The following ATP9B variants were observed in gnomAD, a reference collection of about 807,000 sequenced individuals.
ATP9B encodes the protein probable phospholipid-transporting ATPase IIB.
ATP9B carries 110 observed loss-of-function variants against 146.1 expected under a neutral mutation model. The ratio of observed to expected loss-of-function variants is 0.75; its 90% CI spans 0.65 to 0.88. ATP9B has a LOEUF of 0.88. Ranked by LOEUF, ATP9B falls within the 40% of genes least tolerant of loss-of-function variation. The pLI is 0.00. For synonymous variants in ATP9B, 604 were observed against 569.7 expected (o/e 1.06, Z -0.86); for missense variants, 1,499 against 1,496.4 (o/e 1.00, Z -0.03).
chr18:79,149,337 T>C (rs947509216), intron 6 of ATP9B, among the ~76,000 whole-genome samples: 4 of 152,056 alleles, frequency 2.6e-5, no homozygotes, highest in Admixed American at 6.6e-5. Flanking sequence ...CAAAACATTA[T>C]AGAGAAACCA....
chr18:79,205,278 C>T (rs2095523131), intron 9 of ATP9B, among the ~76,000 whole-genome samples: 2 of 74,188 alleles, frequency 2.7e-5, no homozygotes, highest in Admixed American at 2.5e-4. Context: ...CTGTGCTTCA[C>T]AAATAAACAA....
chr18:79,143,823 C>T lies in ATP9B; in HGVS notation c.689C>T (p.Ser230Leu). The change falls in exon 6 of 30, where the codon TCA becomes TTA. Residue 230 changes from serine to leucine, a missense_variant. Ser to Leu is a moderately radical substitution (Grantham distance 145). Transcript: ENST00000426216. ...TAAGGTAAAGTGCAAGTTAAGAGTT[C>T]AGACATACAAGTTGGAGACCTCATC... ...TVRGKVQVKS[S>L]DIQVGDLIIV... 1 of 1,586,680 alleles carries T rather than the reference C, an allele frequency of 6.3e-7. No individual in the cohort carries two copies. Among genetic ancestry groups the T allele is most frequent in the Non-Finnish European group, 8.6e-7 (1 of 1,169,458 alleles).
At position 79,335,046 on chromosome 18, in the gene ATP9B, A is replaced by G. The variant is rs184563674; in HGVS notation, c.2029-1582A>G. ...TCTGGGTGTCCTTCACGTCACCACA[A>G]CCACGTGAGGGAGGAACTGTTTTCA... On this transcript the variant is annotated intron_variant, in intron 17 of 29. Coordinates refer to ENST00000426216, the MANE Select transcript of ATP9B (RefSeq NM_198531.5). Among the ~76,000 whole-genome samples the G allele has an allele frequency of 6.3e-3, 953 of 152,274 alleles. 11 individuals carry two copies. The highest frequency in any genetic ancestry group is 0.022 in the African/African-American group (916 of 41,538).
At chr18:79,351,279 G>A (rs2096920915) in intron 25 of ATP9B, among the ~76,000 whole-genome samples, 1 of 152,224 alleles carries the variant, frequency 6.6e-6, no homozygotes, top group South Asian at 2.1e-4. Flanking sequence ...GGGTTAGTGA[G>A]GCCTGTGCCT....
intron 12 of ATP9B, among the ~76,000 whole-genome samples, chr18:79,272,440 C>T (rs938365166): frequency 2.6e-5 from 4 of 151,718 alleles, no homozygotes; most frequent in East Asian, 3.9e-4. Context: ...CGGATACGCT[C>T]CTGTCCCTGA....
At chr18:79,316,708 CAT>C (rs143885526) in intron 15 of ATP9B, among the ~76,000 whole-genome samples, 4,455 of 152,178 alleles carry the variant, frequency 0.029, 132 homozygotes, top group Admixed American at 0.091. Flanking sequence ...AAGAAATGAA[CAT>C]ATGTTAACTT....
Position 79,248,594 on chromosome 18 carries a change from C to T in ATP9B, c.1108-4787C>T, listed in dbSNP as rs539392274. Among the ~76,000 whole-genome samples the T allele has an allele frequency of 4.2e-4, 64 of 152,250 alleles. 1 individual carries two copies. The highest frequency in any genetic ancestry group is 1.4e-3 in the African/African-American group (58 of 41,512). On this transcript the variant is annotated intron_variant, in intron 11 of 29. Transcript: ENST00000426216. ...GTGTTAACAGTTGTGTTTTTCTGTA[C>T]GTAGTCAGCCATGTACAAAGCTGTT...
In ATP9B at chr18:79,329,192, G is replaced by A; in HGVS notation, c.1825G>A (p.Asp609Asn). Residue 609 changes from aspartate (D) to asparagine (N), a missense_variant, in exon 16 of 30, where the codon GAC becomes AAC. Physicochemically the swap from Asp to Asn is conservative, Grantham distance 23. Transcript: ENST00000426216. ...ESVGLTLVSR[D>N]LTSMQLKTPS... The stretch of plus-strand genomic sequence containing the variant: ...TGTGGGCCTCACGCTGGTCAGCAGG[G>A]ACCTCACCTCCATGCAGCTGAAGAC... The A allele has an allele frequency of 6.2e-7, 1 of 1,612,192 alleles. No homozygotes were observed. The highest frequency in any genetic ancestry group is 8.5e-7 in the Non-Finnish European group (1 of 1,179,810).
intron 11 of ATP9B, among the ~76,000 whole-genome samples, chr18:79,241,056 T>TA (rs1443868873): frequency 3.3e-5 from 5 of 152,254 alleles, no homozygotes; most frequent in Admixed American, 1.3e-4. Flanking sequence ...TATTGGGTTG[T>TA]AAGCTGCTTG....
chr18:79,373,013 T>C, intron 27 of ATP9B, 131 bp downstream of exon 27: 1 of 605,082 alleles, frequency 1.7e-6, no homozygotes, highest in East Asian at 2.9e-5. Context: ...TACTCCCTTC[T>C]GTTTATCTTG....
At chr18:79,262,711 G>A (rs918811705) in intron 12 of ATP9B, among the ~76,000 whole-genome samples, 4 of 152,140 alleles carry the variant, frequency 2.6e-5, no homozygotes, top group Admixed American at 1.3e-4. Context: ...ATATGCCAGG[G>A]ATTCCATACA....
intron 25 of ATP9B, among the ~76,000 whole-genome samples, chr18:79,351,098 G>A (rs1298694995): frequency 6.6e-6 from 1 of 152,166 alleles, no homozygotes; most frequent in Non-Finnish European, 1.5e-5. Context: ...TACAGAATTT[G>A]CACAGTAATA....
At chr18:79,238,797 G>A (rs902666822) in intron 11 of ATP9B, among the ~76,000 whole-genome samples, 11 of 152,144 alleles carry the variant, frequency 7.2e-5, no homozygotes, top group African/African-American at 1.4e-4. Flanking sequence ...TGGAGGAACC[G>A]CTAATAGATT....
At chr18:79,346,329 CA>C (rs974871600) in intron 23 of ATP9B, among the ~76,000 whole-genome samples, 1 of 151,754 alleles carries the variant, frequency 6.6e-6, no homozygotes, top group African/African-American at 2.4e-5. Flanking sequence ...GCACACTACA[CA>C]TGCTCAGCAC....
At chr18:79,077,959 T>G (rs1009209808) in intron 1 of ATP9B, 1 of 152,226 alleles carries the variant, frequency 6.6e-6, no homozygotes, top group African/African-American at 2.4e-5. Context: ...ATCTTTAAAC[T>G]AAATTTTTTG....
rs565959705 is a variant in ATP9B at position 79,305,921 on chromosome 18, T to C, written c.1525-1065T>C. 9.2e-5 allele frequency among the ~76,000 whole-genome samples: 14 copies of C among 152,358 alleles called. No homozygotes were observed. In the South Asian group the frequency reaches 2.1e-3, roughly 23 times the overall value. Reference sequence around the variant, plus strand: ...TTTCCCCACTGGAGGCATTTGGTGATAGAGGGCATAATCTTTCATGGAATT... The same window carrying C: ...TTTCCCCACTGGAGGCATTTGGTGACAGAGGGCATAATCTTTCATGGAATT... On this transcript the variant is annotated intron_variant, in intron 14 of 29. Coordinates refer to ENST00000426216, the MANE Select transcript of ATP9B (RefSeq NM_198531.5).
chr18:79,325,322 T>C (rs1238426907), intron 15 of ATP9B, among the ~76,000 whole-genome samples: 4 of 152,154 alleles, frequency 2.6e-5, no homozygotes, highest in African/African-American at 9.7e-5. Context: ...ATTTTGTAAC[T>C]GAAATGACTG....
intron 5 of ATP9B, among the ~76,000 whole-genome samples, chr18:79,140,024 C>A (rs1362784365): frequency 1.3e-5 from 2 of 152,108 alleles, no homozygotes; most frequent in Non-Finnish European, 2.9e-5. Flanking sequence ...GCATTTTAAG[C>A]ACATTATTTA....
At chr18:79,177,813 G>A (rs1020588449) in intron 8 of ATP9B, among the ~76,000 whole-genome samples, 1 of 152,058 alleles carries the variant, frequency 6.6e-6, no homozygotes, top group Non-Finnish European at 1.5e-5. Flanking sequence ...TGCTTCTCTG[G>A]GTCAGGCTTC....
Sources: allele counts gnomAD v4.1 joint callset (sites outside exome capture counted in the v4.1 genomes callset), GRCh38; gene constraint gnomAD v4.1.1; transcripts MANE v1.5; gene names NCBI Gene and HGNC (gene_info 2026-07-23, HGNC 2026-07-21).